Variants in ZBTB18 observed in about 807,000 individuals in gnomAD.
ZBTB18 encodes the protein zinc finger and BTB domain containing 18, also known as zinc finger and BTB domain-containing protein 18.
Under a neutral mutation model 37.7 loss-of-function variants are expected in ZBTB18, and 2 were observed. The ratio of observed to expected loss-of-function variants is 0.05; its 90% CI spans 0.02 to 0.17. The LOEUF (loss-of-function observed/expected upper bound fraction) is 0.17. Ranked by LOEUF, ZBTB18 falls within the 10% of genes least tolerant of loss-of-function variation. ZBTB18 has a pLI of 1.00. For missense variants in ZBTB18, 408 were observed against 686.3 expected, an observed-to-expected ratio of 0.59 and a Z score of 4.53; for synonymous variants, 304 against 276.5, an observed-to-expected ratio of 1.10 and a Z score of -0.99.
At chr1:244,051,941 G>A (rs549602429) in intron 1 of ZBTB18, among the ~76,000 whole-genome samples, 106 of 152,088 alleles carry the variant, frequency 7.0e-4, no homozygotes, top group African/African-American at 2.4e-3. Flanking sequence ...GAAACTGCAG[G>A]TTTTTAAGAA....
At chr1:244,050,070 A>C (rs1033003426), upstream of ZBTB18, among the ~76,000 whole-genome samples, 1 of 152,210 alleles carries the variant, frequency 6.6e-6, no homozygotes, top group Middle Eastern at 3.2e-3. Flanking sequence ...AAGTTGGAGA[A>C]AGTTAGGTTT....
At position 244,054,604 on chromosome 1, in the gene ZBTB18, A is replaced by T. The variant is rs1698417239; in HGVS notation, c.830A>T (p.Asn277Ile). ...TCTTCACAGGACGTGCTGAGAAGCA[A>T]CCTGGTGCAGGTGAAGGTGGAGAAA... ...YFSSQDVLRS[N>I]LVQVKVEKEA... Residue 277 changes from asparagine (N) to isoleucine (I), a missense_variant, in exon 2 of 2, where the codon AAC becomes ATC. By Grantham distance (149) the Asn-to-Ile change is moderately radical (BLOSUM62 -3). Around this residue, in one of 4 missense-constraint regions of ZBTB18, gnomAD observed 266 missense variants for 312.0 expected, o/e 0.85. Coordinates refer to ENST00000358704, the MANE Select transcript of ZBTB18 (RefSeq NM_205768.3). This position sits in a 1 kb window ranked among gnomAD's most constrained non-coding sequence, Gnocchi z 9.0. 1 of 1,614,208 alleles carries T rather than the reference A, an allele frequency of 6.2e-7. No individual in the cohort carries two copies. The highest frequency in any genetic ancestry group is 8.5e-7 in the Non-Finnish European group (1 of 1,180,034).
In ZBTB18 at chr1:244,054,409, C is replaced by T. The variant is rs1376601411; in HGVS notation, c.635C>T (p.Pro212Leu). 2 of 1,614,050 alleles carry T rather than the reference C, an allele frequency of 1.2e-6. No individual in the cohort carries two copies. The highest frequency in any genetic ancestry group is 1.7e-6 in the Non-Finnish European group (2 of 1,180,042). The stretch of plus-strand genomic sequence containing the variant: ...CCCCAGGCTGGCGGAGAGGCAGAGC[C>T]ACACGCCACAGCAGCTGGAAAAACA... The part of the protein sequence containing the change: ...GIPQAGGEAE[P>L]HATAAGKTVA... Residue 212 changes from proline to leucine, a missense_variant, in exon 2 of 2, where the codon CCA (proline) becomes CTA (leucine). By Grantham distance (98) the Pro-to-Leu change is moderately conservative. Around this residue, in one of 4 missense-constraint regions of ZBTB18, gnomAD observed 266 missense variants for 312.0 expected, o/e 0.85. Coordinates refer to ENST00000358704, the MANE Select transcript of ZBTB18 (RefSeq NM_205768.3). This position sits in a 1 kb window ranked among gnomAD's most constrained non-coding sequence, Gnocchi z 9.0.
At chr1:244,050,912 T>G (rs998576583), upstream of ZBTB18, among the ~76,000 whole-genome samples, 1 of 152,058 alleles carries the variant, frequency 6.6e-6, no homozygotes, top group Non-Finnish European at 1.5e-5. Context: ...AACGTTGGAG[T>G]TGAATAAAAG....
At chr1:244,052,269 G>A (rs1698370306) in intron 1 of ZBTB18, among the ~76,000 whole-genome samples, 1 of 152,070 alleles carries the variant, frequency 6.6e-6, no homozygotes, top group Non-Finnish European at 1.5e-5. Context: ...ATTTGATCAC[G>A]GCTACCTTGT....
chr1:244,056,742 C>G lies in ZBTB18; in HGVS notation c.*1372C>G, dbSNP rs1222395883. On this transcript the variant is annotated 3_prime_UTR_variant, in exon 2 of 2. Transcript: ENST00000358704. ...CCCCAGGCTGAAAGGACTGGACTGC[C>G]TTGATTGACATGGGGAAGGGGGTTA... The G allele has an allele frequency of 6.0e-6, 1 of 166,072 alleles. No individual in the cohort carries two copies. Among genetic ancestry groups the G allele is most frequent in the African/African-American group, 2.4e-5 (1 of 41,014 alleles). The allele number at this position is 166,072 out of a possible 1,614,324, so 10.3% of individuals were successfully genotyped here. A position where few individuals can be genotyped will look rare whatever the true frequency, so the allele number is the denominator to read the frequency against.
At chr1:244,051,597 GC>G (rs1698353288) in intron 1 of ZBTB18, 153 bp downstream of exon 1, 1 of 402,836 alleles carries the variant, frequency 2.5e-6, no homozygotes, top group African/African-American at 2.2e-5. Flanking sequence ...AAAGTCTTGA[GC>G]TTGTTTAGTT....
rs1388874083 is a variant in ZBTB18, at chr1:244,056,150, T to C, written c.*780T>C. 1 of 167,094 alleles carries C rather than the reference T, an allele frequency of 6.0e-6. No individual in the cohort carries two copies. The highest frequency in any genetic ancestry group is 1.5e-5 in the Non-Finnish European group (1 of 68,100). 10.4% of individuals were successfully genotyped at this position (167,094 alleles called of 1,614,324 possible). ...ATGCTCTTAGTTGAGTCTTGAAAAG[T>C]AAATATTAACGCTACAGAAATGCAT... On this transcript the variant is annotated 3_prime_UTR_variant, in exon 2 of 2. Transcript: ENST00000358704.
intron 1 of ZBTB18, among the ~76,000 whole-genome samples, chr1:244,051,895 A>T (rs1459329063): frequency 6.6e-6 from 1 of 152,210 alleles, no homozygotes; most frequent in Non-Finnish European, 1.5e-5. Context: ...CAAAACATTG[A>T]GCAGCACTAC....
At chr1:244,048,769 C>T (rs977679750), upstream of ZBTB18, among the ~76,000 whole-genome samples, 2 of 147,034 alleles carry the variant, frequency 1.4e-5, no homozygotes, top group African/African-American at 2.5e-5. Context: ...GCCCTCTTCG[C>T]TCCGCCGCGC....
In ZBTB18 at chr1:244,051,388, A is replaced by G; in HGVS notation, c.-44A>G. The stretch of plus-strand genomic sequence containing the variant: ...TGCTTTTTTTCCACCGATGTAACAG[A>G]CCTGGAGCCAGCAGGACTCAGAGGA... On this transcript the variant is annotated 5_prime_UTR_variant, in exon 1 of 2. Transcript: ENST00000358704. 6.2e-7 allele frequency: 1 copy of G among 1,613,066 alleles called. No homozygotes were observed. The highest frequency in any genetic ancestry group is 8.5e-7 in the Non-Finnish European group (1 of 1,179,598).
upstream of ZBTB18, among the ~76,000 whole-genome samples, chr1:244,050,262 C>T (rs1272532077): frequency 6.6e-6 from 1 of 152,176 alleles, no homozygotes; most frequent in Non-Finnish European, 1.5e-5. Context: ...ATGTATTTGA[C>T]ATTCAGAGAT....
upstream of ZBTB18, chr1:244,051,265 A>G: frequency 1.6e-6 from 1 of 627,912 alleles, no homozygotes; most frequent in Admixed American, 3.3e-5. Context: ...TTTTATTCTA[A>G]CACACAGACA....
chr1:244,052,237 T>A (rs1228657162), intron 1 of ZBTB18, among the ~76,000 whole-genome samples: 1 of 152,236 alleles, frequency 6.6e-6, no homozygotes, highest in Non-Finnish European at 1.5e-5. Context: ...TCTTCGTCCC[T>A]CTCTGTCCTC....
At chr1:244,049,148 A>T (rs1698297505), upstream of ZBTB18, among the ~76,000 whole-genome samples, 1 of 125,562 alleles carries the variant, frequency 8.0e-6, no homozygotes, top group African/African-American at 2.9e-5. Flanking sequence ...GAGTGGAGTT[A>T]GTTTGTGTGG....
chr1:244,051,313 T>G lies in ZBTB18; in HGVS notation c.-119T>G. The G allele has an allele frequency of 9.3e-7, 1 of 1,080,508 alleles. No homozygotes were observed. The highest frequency in any genetic ancestry group is 1.4e-6 in the Non-Finnish European group (1 of 717,906). The allele number at this position is 1,080,508 out of a possible 1,614,324, so 66.9% of individuals were successfully genotyped here. A position where few individuals can be genotyped will look rare whatever the true frequency, so the allele number is the denominator to read the frequency against. On this transcript the variant is annotated 5_prime_UTR_variant, in exon 1 of 2. Coordinates refer to ENST00000358704, the MANE Select transcript of ZBTB18 (RefSeq NM_205768.3). ...GTGCGGATCTGTGGTGGAGAAGGTATCTCATTCCTCTCTAACATCATCTCC... is the reference window on the plus strand; with the variant it reads ...GTGCGGATCTGTGGTGGAGAAGGTAGCTCATTCCTCTCTAACATCATCTCC...
chr1:244,054,643 A>T lies in ZBTB18; in HGVS notation c.869A>T (p.Asp290Val). Reference protein sequence around the residue: ...QVKVEKEASCDESDVGTNDYD... With the variant: ...QVKVEKEASCVESDVGTNDYD... ...AAGGTGGAGAAAGAGGCTTCCTGTGATGAGAGTGATGTTGGCACTAATGAC... is the reference window on the plus strand; with the variant it reads ...AAGGTGGAGAAAGAGGCTTCCTGTGTTGAGAGTGATGTTGGCACTAATGAC... Residue 290 changes from aspartate to valine, a missense_variant, in exon 2 of 2, where the codon GAT becomes GTT. Transcript: ENST00000358704. This position sits in a 1 kb window ranked among gnomAD's most constrained non-coding sequence, Gnocchi z 9.0. The T allele has an allele frequency of 6.2e-7, 1 of 1,614,214 alleles. No homozygotes were observed.
At position 244,054,331 on chromosome 1, in the gene ZBTB18, C is replaced by T. The variant is rs749239319; in HGVS notation, c.557C>T (p.Ala186Val). The T allele has an allele frequency of 3.5e-5, 56 of 1,614,128 alleles. No homozygotes were observed. Among genetic ancestry groups the T allele is most frequent in the Admixed American group, 8.3e-5 (5 of 60,020 alleles). Residue 186 changes from alanine to valine, a missense_variant, in exon 2 of 2, where the codon GCG becomes GTG. Ala to Val is a moderately conservative substitution (Grantham distance 64). This residue lies in a region of ZBTB18 where 266 missense variants were observed against 312.0 expected (regional missense o/e 0.85). Coordinates refer to ENST00000358704, the MANE Select transcript of ZBTB18 (RefSeq NM_205768.3). The surrounding 1 kb of genome is among the most constrained non-coding windows in gnomAD (Gnocchi z 9.0). ...LNILPSKRDL[A>V]AEPGNMWMRL... ...ATCCTGCCCAGCAAAAGGGACTTGG[C>T]GGCCGAGCCTGGGAACATGTGGATG...
Position 244,054,767 on chromosome 1 carries a change from C to G in ZBTB18, c.993C>G (p.Val331=). 6.2e-7 allele frequency: 1 copy of G among 1,614,168 alleles called. No individual in the cohort carries two copies. The highest frequency in any genetic ancestry group is 2.2e-5 in the East Asian group (1 of 44,872). ...TGGCTCCCCTGAGGGAGGACTCGGT[C>G]TTGAGGGAGCTGGACCGGGAGGACA... The part of the protein sequence containing the change: ...AHLAPLREDS[V]LRELDREDKA... Residue 331 remains valine (V), a synonymous_variant, in exon 2 of 2, where the codon GTC becomes GTG. Transcript: ENST00000358704. The surrounding 1 kb of genome is among the most constrained non-coding windows in gnomAD (Gnocchi z 9.0).
Sources: gnomAD v4.1 joint callset for allele counts (sites outside exome capture counted in the v4.1 genomes callset) on GRCh38, gnomAD v4.1.1 for gene constraint, gnomAD v4.1.1 regional missense constraint, Gnocchi (gnomAD v3.1) non-coding constraint, MANE v1.5 for transcripts, NCBI Gene and HGNC (gene_info 2026-07-23, HGNC 2026-07-21) for gene names.